Variants in FAT1 observed in about 807,000 individuals in gnomAD.
The protein encoded by FAT1 is FAT atypical cadherin 1.
FAT1 carries 171 observed loss-of-function variants against 329.8 expected under a neutral mutation model. The ratio of observed to expected loss-of-function variants is 0.52; its 90% confidence interval spans 0.46 to 0.59. The LOEUF (loss-of-function observed/expected upper bound fraction) is 0.59, where lower values mean the gene tolerates loss of function less well. FAT1 is among the 20% of genes least tolerant of loss of function. The pLI is 0.00. For missense variants in FAT1, 5,672 were observed against 5,774.4 expected (o/e 0.98, Z 0.57); for synonymous variants, 2,233 against 2,228.6 (o/e 1.00, Z -0.06).
chr4:186,642,586 G>A (rs1335235172), intron 3 of FAT1, among the ~76,000 whole-genome samples: 6 of 152,206 alleles, frequency 3.9e-5, no homozygotes, highest in African/African-American at 1.2e-4. Context: ...CAGAGAATGC[G>A]TTAGTACATA....
At position 186,708,196 on chromosome 4, in the gene FAT1, G is replaced by T. The variant is rs377330173; in HGVS notation, c.1632C>A (p.Gly544=). The T allele has an allele frequency of 1.5e-5, 25 of 1,613,872 alleles. No homozygotes were observed. The highest frequency in any genetic ancestry group is 1.8e-5 in the Non-Finnish European group (21 of 1,179,896). ...CTTCGACTTCCCGGCGGTACGGCAA[G>T]CCCCAGTCTGATGCACGAATCCTCA... ...YTLRIRASDW[G]LPYRREVEVL... The change falls in exon 2 of 27, where the codon GGC becomes GGA. Residue 544 remains glycine, a synonymous_variant. Transcript: ENST00000441802.
chr4:186,685,292 C>G (rs1483196895), intron 2 of FAT1, among the ~76,000 whole-genome samples: 2 of 152,174 alleles, frequency 1.3e-5, no homozygotes, highest in Non-Finnish European at 2.9e-5. Flanking sequence ...AATAAAATGT[C>G]CAATAGCTGA....
chr4:186,689,564 T>C (rs768813040), intron 2 of FAT1, among the ~76,000 whole-genome samples: 1 of 152,184 alleles, frequency 6.6e-6, no homozygotes, highest in Non-Finnish European at 1.5e-5. Flanking sequence ...TCGCTTAACA[T>C]CACAAGAATT....
intron 2 of FAT1, among the ~76,000 whole-genome samples, chr4:186,680,960 C>G (rs1160265612): frequency 6.6e-6 from 1 of 152,160 alleles, no homozygotes; most frequent in Non-Finnish European, 1.5e-5. Context: ...TAATGATCTG[C>G]CAACCAAACC....
chr4:186,604,711 G>C, intron 17 of FAT1, 137 bp from the exon 18 acceptor site: 1 of 565,674 alleles, frequency 1.8e-6, no homozygotes, highest in South Asian at 3.3e-5. Flanking sequence ...AGGAAGAGAA[G>C]AAAGGTGGAG....
intron 18 of FAT1, 51 bp from the exon 19 acceptor site, chr4:186,604,028 C>G (rs2126436613): frequency 1.4e-6 from 2 of 1,381,552 alleles, no homozygotes; most frequent in Non-Finnish European, 2.0e-6. Flanking sequence ...CTGTTTATAA[C>G]TTCTTCAATA....
Position 186,615,358 on chromosome 4 carries a change from C to T in FAT1, c.9076-1014G>A, listed in dbSNP as rs541728068. On this transcript the variant is annotated intron_variant, in intron 11 of 26. Coordinates refer to ENST00000441802, the MANE Select transcript of FAT1 (RefSeq NM_005245.4). ...TCCATCTTAAGTCTTTCCCTGAGAA[C>T]AGCCCTATCACTTTCCACAGCCACA... Among the ~76,000 whole-genome samples, 5 of 152,268 alleles carry T rather than the reference C, an allele frequency of 3.3e-5. No homozygotes were observed. The East Asian group carries it at 9.7e-4, about 29-fold the overall frequency.
intron 3 of FAT1, among the ~76,000 whole-genome samples, chr4:186,662,437 G>A (rs1274798964): frequency 1.3e-5 from 2 of 152,128 alleles, no homozygotes; most frequent in African/African-American, 4.8e-5. Flanking sequence ...CTTGGAAGCA[G>A]GGAAGTCAGT....
intron 3 of FAT1, among the ~76,000 whole-genome samples, chr4:186,649,311 CTA>C (rs1741520878): frequency 1.3e-5 from 2 of 152,278 alleles, no homozygotes; most frequent in East Asian, 3.9e-4. Context: ...ATCTAAATGG[CTA>C]TATACATTTC....
intron 3 of FAT1, among the ~76,000 whole-genome samples, chr4:186,653,684 G>A (rs1216991017): frequency 1.3e-5 from 2 of 152,130 alleles, no homozygotes; most frequent in Non-Finnish European, 2.9e-5. Flanking sequence ...CATGAAAAGG[G>A]CAGAAAATTC....
At chr4:186,689,939 C>T (rs934694098) in intron 2 of FAT1, among the ~76,000 whole-genome samples, 1 of 152,178 alleles carries the variant, frequency 6.6e-6, no homozygotes, top group African/African-American at 2.4e-5. Flanking sequence ...GATCTCATAC[C>T]TACTTTTTCC....
At chr4:186,712,879 C>A (rs1745030305) in intron 1 of FAT1, among the ~76,000 whole-genome samples, 1 of 152,102 alleles carries the variant, frequency 6.6e-6, no homozygotes, top group African/African-American at 2.4e-5. Context: ...CAGAGAAGCA[C>A]TAGATTAGGG....
At chr4:186,634,840 G>T (rs1740756331) in intron 6 of FAT1, among the ~76,000 whole-genome samples, 1 of 152,238 alleles carries the variant, frequency 6.6e-6, no homozygotes, top group Admixed American at 6.5e-5. Flanking sequence ...CGCATGGAAA[G>T]CAAGCACAGA....
At chr4:186,721,544 C>T (rs1186033741) in intron 1 of FAT1, among the ~76,000 whole-genome samples, 1 of 152,256 alleles carries the variant, frequency 6.6e-6, no homozygotes, top group African/African-American at 2.4e-5. Context: ...TCCAGCCTTA[C>T]GGCTCCCTGC....
At chr4:186,589,325 G>A in intron 26 of FAT1, 105 bp from the exon 27 acceptor site, 1 of 1,249,974 alleles carries the variant, frequency 8.0e-7, no homozygotes, top group Non-Finnish European at 1.1e-6. Context: ...CCGCATTTAT[G>A]CCTTCATTCA....
At chr4:186,677,865 T>C (rs144834520) in intron 2 of FAT1, among the ~76,000 whole-genome samples, 8 of 152,298 alleles carry the variant, frequency 5.3e-5, no homozygotes, top group African/African-American at 1.7e-4. Flanking sequence ...TAAAAGACTA[T>C]ATAAGAATAG....
rs753979210 is a variant in FAT1, at chr4:186,621,166, A to G, written c.5420T>C (p.Leu1807Pro). The change falls in exon 10 of 27, where the codon CTT becomes CCT. Residue 1807 changes from leucine (L) to proline (P), a missense_variant. Leu to Pro is a moderately conservative substitution (Grantham distance 98). Coordinates refer to ENST00000441802, the MANE Select transcript of FAT1 (RefSeq NM_005245.4). Reference sequence around the variant, plus strand: ...AGATGGTTCAACAATGTGATATACAAGCAAAGCATTTGAGTCTTTATCAGC... The same window carrying G: ...AGATGGTTCAACAATGTGATATACAGGCAAAGCATTTGAGTCTTTATCAGC... ...ADADKDSNAL[L>P]VYHIVEPSVH... is the part of the protein sequence containing the mutation. 2 of 1,614,012 alleles carry G rather than the reference A, an allele frequency of 1.2e-6. No homozygotes were observed. The highest frequency in any genetic ancestry group is 1.6e-4 in the Middle Eastern group (1 of 6,062).
intron 2 of FAT1, among the ~76,000 whole-genome samples, chr4:186,693,546 C>T (rs1391555531): frequency 7.0e-6 from 1 of 142,518 alleles, no homozygotes; most frequent in Non-Finnish European, 1.5e-5. Context: ...CTGCCTGCAG[C>T]GAACACCCAG....
rs1738596549 is a variant in FAT1 at position 186,597,675 on chromosome 4, C to T, written c.12368+7G>A. 1 of 1,608,436 alleles carries T rather than the reference C, an allele frequency of 6.2e-7. No homozygotes were observed. Among genetic ancestry groups the T allele is most frequent in the Admixed American group, 1.7e-5 (1 of 59,992 alleles). ...TATGAACCTAAATTTTGAAAGAAACCATTTACCTTTCTCCCCTAAAACCCG... is the reference window on the plus strand; with the variant it reads ...TATGAACCTAAATTTTGAAAGAAACTATTTACCTTTCTCCCCTAAAACCCG... On this transcript the variant is annotated splice_region_variant and intron_variant, in intron 24 of 26. Transcript: ENST00000441802.
Sources: gnomAD v4.1 joint callset for allele counts (sites outside exome capture counted in the v4.1 genomes callset) on GRCh38, gnomAD v4.1.1 for gene constraint, MANE v1.5 for transcripts, NCBI Gene and HGNC (gene_info 2026-07-23, HGNC 2026-07-21) for gene names.